Variants in MYOM1 observed in about 807,000 individuals in gnomAD.
MYOM1 encodes the protein myomesin-1.
Under a neutral mutation model 205.3 loss-of-function variants are expected in MYOM1, and 164 were observed. The observed-to-expected ratio is 0.80, with a 90% CI of 0.70 to 0.91. MYOM1 has a LOEUF of 0.91. MYOM1 is among the 40% of genes least tolerant of loss of function. The pLI is 0.00. For missense variants in MYOM1, 2,011 were observed against 2,127.3 expected (o/e 0.95, Z 1.08); for synonymous variants, 772 against 789.4 (o/e 0.98, Z 0.37).
intron 12 of MYOM1, among the ~76,000 whole-genome samples, chr18:3,150,627 G>C (rs997006890): frequency 1.3e-5 from 2 of 152,092 alleles, no homozygotes; most frequent in Non-Finnish European, 2.9e-5. Context: ...GTAGGGCCAA[G>C]GTTGAGAAGC....
chr18:3,113,300 A>G (rs182550118), intron 21 of MYOM1, among the ~76,000 whole-genome samples: 4,582 of 17,554 alleles, frequency 0.26, 104 homozygotes, highest in Middle Eastern at 0.42. Context: ...GTTTGTGTCT[A>G]TATATATATA....
chr18:3,114,544 A>ATTTTTTTTTTTTTTTTT (rs5822738), intron 21 of MYOM1, among the ~76,000 whole-genome samples: 5 of 88,374 alleles, frequency 5.7e-5, no homozygotes, highest in African/African-American at 1.9e-4. Flanking sequence ...TGGTCAGCTA[A>ATTTTTTTTTTTTTTTTT]TTTTTTTTTT....
chr18:3,196,821 C>T (rs2080994966), intron 2 of MYOM1, among the ~76,000 whole-genome samples: 1 of 152,154 alleles, frequency 6.6e-6, no homozygotes, highest in South Asian at 2.1e-4. Flanking sequence ...CGGAAATATT[C>T]CAGGAACTCA....
At position 3,215,161 on chromosome 18, in the gene MYOM1, G is replaced by GGTAGCTGAGA. The variant is rs753654531; in HGVS notation, c.62_63insTCTCAGCTAC (p.Val22LeufsTer63). 2.5e-6 allele frequency: 4 copies of GGTAGCTGAGA among 1,613,676 alleles called. No individual in the cohort carries two copies. In the Admixed American group the frequency reaches 5.0e-5, roughly 20 times the overall value. ...GGTAGTGACTCACGGTGCTGCGCAC[G>GGTAGCTGAGA]TCCTTGTTGCGGTAGCTGAGATCAT... On this transcript the variant is annotated frameshift_variant, in exon 2 of 38. Coordinates refer to ENST00000356443, the MANE Select transcript of MYOM1 (RefSeq NM_003803.4). LOFTEE classifies it high-confidence loss of function.
At chr18:3,113,707 A>C (rs1416444413) in intron 21 of MYOM1, among the ~76,000 whole-genome samples, 1 of 150,124 alleles carries the variant, frequency 6.7e-6, no homozygotes, top group Non-Finnish European at 1.5e-5. Flanking sequence ...TTAATGTTTT[A>C]TCAACATTTT....
Position 3,129,397 on chromosome 18 carries a change from T to A in MYOM1, c.2629A>T (p.Ser877Cys), listed in dbSNP as rs932502618. 8.7e-6 allele frequency: 14 copies of A among 1,614,004 alleles called. No individual in the cohort carries two copies. Among genetic ancestry groups the A allele is most frequent in the Non-Finnish European group, 9.3e-6 (11 of 1,179,886 alleles). ...PTFQKDALLG[S>C]KPNKPSLPSS... ...GGTAGTGAAGGTTTGTTAGGTTTGC[T>A]GCCAAGCAAAGCATCTTTCTGGAAG... The change falls in exon 18 of 38, where the codon AGC (serine) becomes TGC (cysteine). Residue 877 changes from serine (S) to cysteine (C), a missense_variant. Physicochemically the swap from Ser to Cys is moderately radical, Grantham distance 112. Transcript: ENST00000356443.
intron 22 of MYOM1, among the ~76,000 whole-genome samples, chr18:3,104,698 C>T (rs1251385095): frequency 2.1e-5 from 3 of 144,888 alleles, no homozygotes; most frequent in Non-Finnish European, 4.5e-5. Context: ...TCTGATGTGA[C>T]AAAGTCCACA....
At chr18:3,084,214 A>T (rs2079123371) in intron 31 of MYOM1, among the ~76,000 whole-genome samples, 187 bp from the exon 32 acceptor site, 1 of 152,154 alleles carries the variant, frequency 6.6e-6, no homozygotes, top group Non-Finnish European at 1.5e-5. Context: ...GTTTTAAAAG[A>T]TCCCTGCTTA....
At chr18:3,146,827 T>C (rs558095148) in intron 13 of MYOM1, among the ~76,000 whole-genome samples, 11 of 151,924 alleles carry the variant, frequency 7.2e-5, no homozygotes, top group Non-Finnish European at 1.3e-4. Context: ...AGTTAATTTA[T>C]CTTTACTTAT....
chr18:3,154,869 C>A, intron 11 of MYOM1, 78 bp downstream of exon 11: 3 of 1,464,536 alleles, frequency 2.0e-6, no homozygotes, highest in East Asian at 2.5e-5. Flanking sequence ...AAAATATTTC[C>A]ACTAGAAATG....
chr18:3,196,339 T>C (rs963182689), intron 2 of MYOM1, among the ~76,000 whole-genome samples: 2 of 152,234 alleles, frequency 1.3e-5, no homozygotes, highest in African/African-American at 2.4e-5. Context: ...ACATCGAATA[T>C]GTAGATTTTA....
At chr18:3,162,188 C>G (rs1410390172) in intron 10 of MYOM1, among the ~76,000 whole-genome samples, 1 of 152,176 alleles carries the variant, frequency 6.6e-6, no homozygotes, top group Non-Finnish European at 1.5e-5. Context: ...GGAGGGCCTG[C>G]CTTCCTGAGG....
At chr18:3,104,231 C>G (rs987314387) in intron 22 of MYOM1, among the ~76,000 whole-genome samples, 6 of 152,034 alleles carry the variant, frequency 3.9e-5, no homozygotes, top group Non-Finnish European at 8.8e-5. Context: ...GAGGTTTAGA[C>G]TGTATTATAA....
chr18:3,201,712 G>A lies in MYOM1; in HGVS notation c.291-7754C>T, dbSNP rs181971882. 4.1e-3 allele frequency among the ~76,000 whole-genome samples: 613 copies of A among 151,000 alleles called. 4 individuals carry two copies. The highest frequency in any genetic ancestry group is 0.014 in the African/African-American group (576 of 41,082). ...ACCCAGGCTGGAGTGCAATGGCGTG[G>A]TCATAACTATAACCTCGATCTCCCG... On this transcript the variant is annotated intron_variant, in intron 2 of 37. Coordinates refer to ENST00000356443, the MANE Select transcript of MYOM1 (RefSeq NM_003803.4).
intron 2 of MYOM1, among the ~76,000 whole-genome samples, chr18:3,197,280 G>A (rs1206610734): frequency 1.3e-5 from 2 of 151,938 alleles, no homozygotes; most frequent in Non-Finnish European, 2.9e-5. Flanking sequence ...GGGATTACAG[G>A]CGCACGCCAC....
At chr18:3,112,475 T>C (rs2079542247) in intron 21 of MYOM1, 63 bp from the exon 22 acceptor site, 2 of 1,273,618 alleles carry the variant, frequency 1.6e-6, no homozygotes, top group African/African-American at 3.0e-5. Context: ...TTATGTCATT[T>C]AAACAGACGG....
At position 3,152,236 on chromosome 18, in the gene MYOM1, G is replaced by A. The variant is rs968648134; in HGVS notation, c.1644-343C>T. Among the ~76,000 whole-genome samples the A allele has an allele frequency of 1.3e-5, 2 of 152,088 alleles. No individual in the cohort carries two copies. The highest frequency in any genetic ancestry group is 4.8e-5 in the African/African-American group (2 of 41,388). On this transcript the variant is annotated intron_variant, in intron 11 of 37. Coordinates refer to ENST00000356443, the MANE Select transcript of MYOM1 (RefSeq NM_003803.4). The surrounding 1 kb of genome is among the most constrained non-coding windows in gnomAD (Gnocchi z 4.3). ...GGAGAAGATCCCCAAACATCTCCCC[G>A]GCTGATGCCTTCAATTCTACCATTA...
In MYOM1 at chr18:3,191,695, CT is replaced by C. The variant is rs1405479889; in HGVS notation, c.431+2122del. ...CTAGAAGATCAATTTTTCTTCACAT[CT>C]TTTTTTTTTTTCTTTTTGAGATGGG... On this transcript the variant is annotated intron_variant, in intron 3 of 37. Transcript: ENST00000356443. Among the ~76,000 whole-genome samples, 705 of 144,798 alleles carry C rather than the reference CT, an allele frequency of 4.9e-3. 6 individuals carry two copies. Among genetic ancestry groups the C allele is most frequent in the African/African-American group, 0.015 (583 of 39,594 alleles). The allele number at this position is 144,798 out of a possible 152,430, so 95.0% of individuals were successfully genotyped here. A position where few individuals can be genotyped will look rare whatever the true frequency, so the allele number is the denominator to read the frequency against.
chr18:3,201,014 G>T (rs578012234), intron 2 of MYOM1, among the ~76,000 whole-genome samples: 1 of 152,222 alleles, frequency 6.6e-6, no homozygotes, highest in South Asian at 2.1e-4. Context: ...TACACACAGG[G>T]GAACAATAAT....
Sources: allele counts gnomAD v4.1 joint callset (sites outside exome capture counted in the v4.1 genomes callset), GRCh38; gene constraint gnomAD v4.1.1; non-coding constraint Gnocchi (gnomAD v3.1); transcripts MANE v1.5; gene names NCBI Gene and HGNC (gene_info 2026-07-23, HGNC 2026-07-21).